DLG1: variants seen among roughly 807,000 people sequenced by gnomAD.
DLG1 encodes disks large homolog 1.
A neutral mutation model predicts 123.4 loss-of-function variants in DLG1; 42 were observed. That is an observed-to-expected ratio of 0.34 (90% CI 0.27 to 0.44). DLG1 has a LOEUF of 0.44. Ranked by LOEUF, DLG1 falls within the 20% of genes least tolerant of loss-of-function variation. The pLI, the probability that DLG1 is intolerant of heterozygous loss-of-function variation, is 1.00. For synonymous variants in DLG1, 317 were observed against 356.2 expected, an observed-to-expected ratio of 0.89 and a Z score of 1.24; for missense variants, 942 against 1,082.6, an observed-to-expected ratio of 0.87 and a Z score of 1.82.
intron 7 of DLG1, among the ~76,000 whole-genome samples, chr3:197,142,102 G>T (rs60298288): frequency 0.016 from 2,431 of 152,280 alleles, 69 homozygotes; most frequent in African/African-American, 0.054. Flanking sequence ...TTTTAATACA[G>T]CTCTGTCTGT....
chr3:197,064,161 CTA>C (rs1737819493), intron 22 of DLG1, among the ~76,000 whole-genome samples: 1 of 150,200 alleles, frequency 6.7e-6, no homozygotes, highest in Non-Finnish European at 1.5e-5. Flanking sequence ...CTCAGGTGAT[CTA>C]CCCACCTCAG....
intron 4 of DLG1, among the ~76,000 whole-genome samples, chr3:197,232,780 C>T (rs1743926743): frequency 6.6e-6 from 1 of 151,914 alleles, no homozygotes; most frequent in Non-Finnish European, 1.5e-5. Context: ...GAAAAGCTTC[C>T]TTGTGCCAAA....
Position 197,210,687 on chromosome 3 carries a change from ATC to A in DLG1, c.319-16100_319-16099del, listed in dbSNP as rs201401615. 8.0e-3 allele frequency among the ~76,000 whole-genome samples: 1,144 copies of A among 143,590 alleles called. 58 individuals are homozygous for A. The highest frequency in any genetic ancestry group is 0.025 in the African/African-American group (1,006 of 40,968). The allele number at this position is 143,590 out of a possible 152,430, so 94.2% of individuals were successfully genotyped here. On this transcript the variant is annotated intron_variant, in intron 4 of 24. Transcript: ENST00000667157. ...TCTTTAATATATATTAAAGAATTCA[ATC>A]TGTTACCAAAATTCTTCCCACTGAG...
intron 4 of DLG1, among the ~76,000 whole-genome samples, chr3:197,222,659 A>G (rs1245290049): frequency 6.6e-6 from 1 of 152,204 alleles, no homozygotes; most frequent in Non-Finnish European, 1.5e-5. Context: ...AACACAGCTA[A>G]GTGGGAACAG....
chr3:197,241,740 T>C (rs1298141195), intron 4 of DLG1, among the ~76,000 whole-genome samples: 3 of 152,194 alleles, frequency 2.0e-5, no homozygotes, highest in Non-Finnish European at 4.4e-5. Context: ...TTCCTTTGTT[T>C]CTATTCTTTT....
At chr3:197,230,775 C>G (rs894605150) in intron 4 of DLG1, among the ~76,000 whole-genome samples, 6 of 152,100 alleles carry the variant, frequency 3.9e-5, no homozygotes, top group African/African-American at 1.2e-4. Context: ...GAGCAGAGGA[C>G]TTAGGTAAGA....
In DLG1 at chr3:197,296,370, T is replaced by A. The variant is rs188448033; in HGVS notation, c.127A>T (p.Ser43Cys). Residue 43 changes from serine (S) to cysteine (C), a missense_variant, in exon 3 of 25, where the codon AGC (serine) becomes TGC (cysteine). By Grantham distance (112) the Ser-to-Cys change is moderately radical. Coordinates refer to ENST00000667157, the MANE Select transcript of DLG1 (RefSeq NM_001366207.1). ...CCTATTAAAGCCTGAAAGAGGTTGC[T>A]CTGAAATATGTTAATAACCCGTTCT... ...SIERVINIFQ[S>C]NLFQALIDIQ... 6.2e-7 allele frequency: 1 copy of A among 1,613,732 alleles called. No individual in the cohort carries two copies. Among genetic ancestry groups the A allele is most frequent in the East Asian group, 2.2e-5 (1 of 44,840 alleles).
At chr3:197,046,855 G>A (rs1332018478) in intron 24 of DLG1, among the ~76,000 whole-genome samples, 2 of 151,930 alleles carry the variant, frequency 1.3e-5, no homozygotes, top group Non-Finnish European at 2.9e-5. Flanking sequence ...GGGTGACAGA[G>A]TGAGACCCTG....
intron 11 of DLG1, among the ~76,000 whole-genome samples, chr3:197,126,433 C>T (rs1212644141): frequency 6.6e-6 from 1 of 151,658 alleles, no homozygotes; most frequent in African/African-American, 2.4e-5. Flanking sequence ...CGCCACTGCA[C>T]TCCAGCCTGG....
At chr3:197,114,570 A>G (rs920317929) in intron 13 of DLG1, among the ~76,000 whole-genome samples, 5 of 152,274 alleles carry the variant, frequency 3.3e-5, no homozygotes, top group African/African-American at 9.6e-5. Flanking sequence ...CATTGCTGAA[A>G]GCACAAATCA....
At chr3:197,199,651 C>T (rs1031898472) in intron 4 of DLG1, among the ~76,000 whole-genome samples, 13 of 152,156 alleles carry the variant, frequency 8.5e-5, no homozygotes, top group Non-Finnish European at 1.2e-4. Context: ...TGAGAAAGTA[C>T]TTCCAAGTAG....
intron 5 of DLG1, among the ~76,000 whole-genome samples, chr3:197,176,770 T>A (rs1047243658): frequency 3.9e-5 from 6 of 152,110 alleles, no homozygotes; most frequent in Non-Finnish European, 8.8e-5. Context: ...AACATCTCTG[T>A]ACAGGTTTTT....
chr3:197,114,000 A>C (rs1415484365), intron 13 of DLG1, among the ~76,000 whole-genome samples: 2 of 152,160 alleles, frequency 1.3e-5, no homozygotes, highest in Non-Finnish European at 2.9e-5. Context: ...CTGTCTCTTA[A>C]AAAATAAAAG....
At chr3:197,289,175 A>C (rs2151219350) in intron 3 of DLG1, among the ~76,000 whole-genome samples, 1 of 152,376 alleles carries the variant, frequency 6.6e-6, no homozygotes, top group South Asian at 2.1e-4. Context: ...AATTAACAAG[A>C]GCTAGTGTTA....
chr3:197,160,278 T>A (rs1331175590), intron 5 of DLG1, among the ~76,000 whole-genome samples: 1 of 151,958 alleles, frequency 6.6e-6, no homozygotes, highest in Non-Finnish European at 1.5e-5. Context: ...ATAAAGAGAC[T>A]GGTACAAATT....
intron 8 of DLG1, 128 bp downstream of exon 8, chr3:197,140,012 G>T: frequency 1.0e-6 from 1 of 995,466 alleles, no homozygotes; most frequent in Non-Finnish European, 1.4e-6. Context: ...CTTGAATGTT[G>T]TTAAAGCATC....
chr3:197,068,614 T>G, intron 19 of DLG1: 1 of 900,218 alleles, frequency 1.1e-6, no homozygotes, highest in Non-Finnish European at 1.8e-6. Flanking sequence ...ACTGATATTA[T>G]GTACCCTCCC....
At chr3:197,119,347 G>T in intron 12 of DLG1, 63 bp downstream of exon 12, 1 of 1,417,500 alleles carries the variant, frequency 7.1e-7, no homozygotes, top group South Asian at 1.4e-5. Flanking sequence ...ATCTTACATG[G>T]CTGATTAAAA....
rs374845866 is a variant in DLG1, at chr3:197,230,302, A to C, written c.319-35713T>G. On this transcript the variant is annotated intron_variant, in intron 4 of 24. Coordinates refer to ENST00000667157, the MANE Select transcript of DLG1 (RefSeq NM_001366207.1). ...TTATTAAGTAAATATATGGTAATAA[A>C]TACTACCTATATTACATATTACAGT... Among the ~76,000 whole-genome samples, 120 of 152,324 alleles carry C rather than the reference A, an allele frequency of 7.9e-4. 4 individuals are homozygous for C. The highest frequency in any genetic ancestry group is 3.3e-3 in the East Asian group (17 of 5,192).
Sources: allele counts gnomAD v4.1 joint callset (sites outside exome capture counted in the v4.1 genomes callset), GRCh38; gene constraint gnomAD v4.1.1; transcripts MANE v1.5; gene names NCBI Gene and HGNC (gene_info 2026-07-23, HGNC 2026-07-21).